WIZ: variants seen among roughly 807,000 people sequenced by gnomAD.
WIZ encodes protein Wiz.
Under a neutral mutation model 140.2 loss-of-function variants are expected in WIZ, and 25 were observed. The observed-to-expected ratio is 0.18, with a 90% CI of 0.13 to 0.25. The LOEUF (loss-of-function observed/expected upper bound fraction) is 0.25, where lower values mean the gene tolerates loss of function less well. Ranked by LOEUF, WIZ falls within the 10% of genes least tolerant of loss-of-function variation. The pLI, the probability that WIZ is intolerant of heterozygous loss-of-function variation, is 1.00. For synonymous variants in WIZ, 1,125 were observed against 1,154.3 expected (o/e 0.97, Z 0.51); for missense variants, 2,231 against 2,632.6 (o/e 0.85, Z 3.34).
rs975923741 is a variant in WIZ, at chr19:15,428,530, G to C, written c.3416-22C>G. The C allele has an allele frequency of 1.3e-5, 20 of 1,535,422 alleles. No individual in the cohort carries two copies. The highest frequency in any genetic ancestry group is 1.7e-5 in the Non-Finnish European group (20 of 1,146,794). On this transcript the variant is annotated intron_variant, in intron 7 of 12. Transcript: ENST00000673675. This position sits in a 1 kb window ranked among gnomAD's most constrained non-coding sequence, Gnocchi z 6.4. ...AAAGCTGCGGAGACAAAACACAGGG[G>C]GGGTTCACGGCCGCCACCTTGGCCG...
intron 2 of WIZ, 111 bp downstream of exon 2, chr19:15,447,992 G>T: frequency 1.6e-6 from 2 of 1,261,322 alleles, no homozygotes; most frequent in Non-Finnish European, 2.2e-6. Flanking sequence ...CTGGACCCAA[G>T]CGGAATCAGC....
At chr19:15,426,617 T>A (rs1169241196) in intron 9 of WIZ, among the ~76,000 whole-genome samples, 1 of 152,150 alleles carries the variant, frequency 6.6e-6, no homozygotes, top group Admixed American at 6.5e-5. Context: ...AAAGACACAG[T>A]TCAGACGTTC....
chr19:15,423,656 C>T (rs964562709), intron 12 of WIZ, among the ~76,000 whole-genome samples: 2 of 152,224 alleles, frequency 1.3e-5, no homozygotes, highest in African/African-American at 4.8e-5. Context: ...CTCCATGGCT[C>T]AAGACGTGGC....
At chr19:15,432,396 C>T (rs1969309619) in intron 5 of WIZ, 10 of 981,538 alleles carry the variant, frequency 1.0e-5, no homozygotes, top group Non-Finnish European at 1.2e-5. Flanking sequence ...GGATTCCGAC[C>T]TTCCCCTCCC....
At chr19:15,449,709 C>G (rs1202398086) in intron 1 of WIZ, 89 bp downstream of exon 1, 1 of 135,786 alleles carries the variant, frequency 7.4e-6, no homozygotes, top group African/African-American at 2.6e-5. Flanking sequence ...CCCGGGGGGT[C>G]CCGCCTGGCC....
chr19:15,428,613 G>C lies in WIZ; in HGVS notation c.3416-105C>G. 7.3e-7 allele frequency: 1 copy of C among 1,369,176 alleles called. No individual in the cohort carries two copies. The highest frequency in any genetic ancestry group is 9.9e-7 in the Non-Finnish European group (1 of 1,006,024). 84.8% of individuals were successfully genotyped at this position (1,369,176 alleles called of 1,614,324 possible). A position where few individuals can be genotyped will look rare whatever the true frequency, so the allele number is the denominator to read the frequency against. On this transcript the variant is annotated intron_variant, in intron 7 of 12. Transcript: ENST00000673675. This position sits in a 1 kb window ranked among gnomAD's most constrained non-coding sequence, Gnocchi z 6.4. ...TGATTTTTGGCTGCTCAGGCAGTTGGGGGGTCCAAGACTCAGGCCGCAGAT... is the reference window on the plus strand; with the variant it reads ...TGATTTTTGGCTGCTCAGGCAGTTGCGGGGTCCAAGACTCAGGCCGCAGAT...
chr19:15,426,914 C>A, intron 9 of WIZ, 68 bp downstream of exon 9: 1 of 1,534,570 alleles, frequency 6.5e-7, no homozygotes. Context: ...CTCTGGATAC[C>A]CCCAAGGGGA....
chr19:15,438,699 G>A lies in WIZ; in HGVS notation c.2295C>T (p.Ala765=). 1 of 1,536,194 alleles carries A rather than the reference G, an allele frequency of 6.5e-7. No homozygotes were observed. Among genetic ancestry groups the A allele is most frequent in the Non-Finnish European group, 8.7e-7 (1 of 1,146,904 alleles). The change falls in exon 4 of 13, where the codon GCC becomes GCT. Residue 765 remains alanine (A), a synonymous_variant. Coordinates refer to ENST00000673675, the MANE Select transcript of WIZ (RefSeq NM_001371589.1). ...GGTTCAGGTGGCCCCGGACGTGGTT[G>A]GCCAAGCCGATGCCGTTGTGGAAGC... ...PDRFHNGIGL[A]NHVRGHLNRV...
chr19:15,426,086 C>T (rs1218813164), intron 9 of WIZ, among the ~76,000 whole-genome samples: 1 of 151,730 alleles, frequency 6.6e-6, no homozygotes, highest in East Asian at 1.9e-4. Flanking sequence ...TCTGTCACTT[C>T]AAATTCTAGC....
rs535315692 is a variant in WIZ, at chr19:15,438,854, C to A, written c.2140G>T (p.Ala714Ser). The change falls in exon 4 of 13, where the codon GCC (alanine) becomes TCC (serine). Residue 714 changes from alanine (A) to serine (S), a missense_variant. This residue lies in a region of WIZ where 475 missense variants were observed against 520.2 expected (regional missense o/e 0.91). Coordinates refer to ENST00000673675, the MANE Select transcript of WIZ (RefSeq NM_001371589.1). ...LQPEELGLAG[A>S]HPLDFLLLDA... ...AGGAGCAGGAAGTCCAGGGGGTGGGCGCCTGCCAGCCCCAGCTCCTCGGGC... is the reference window on the plus strand; with the variant it reads ...AGGAGCAGGAAGTCCAGGGGGTGGGAGCCTGCCAGCCCCAGCTCCTCGGGC... The A allele has an allele frequency of 1.4e-6, 2 of 1,473,454 alleles. No individual in the cohort carries two copies. The highest frequency in any genetic ancestry group is 2.8e-5 in the African/African-American group (2 of 71,406). 91.3% of individuals were successfully genotyped at this position (1,473,454 alleles called of 1,614,324 possible).
intron 4 of WIZ, among the ~76,000 whole-genome samples, chr19:15,437,994 G>GAC (rs140038466): frequency 1.1e-3 from 165 of 150,644 alleles, no homozygotes; most frequent in East Asian, 4.5e-3. Context: ...CTAGTGCGTA[G>GAC]ACACACACAC....
rs1272570784 is a variant in WIZ, at chr19:15,436,726, G to GC, written c.2740+79dup. The GC allele has an allele frequency of 8.7e-6, 12 of 1,376,760 alleles. No homozygotes were observed. In the East Asian group the frequency reaches 3.1e-4, roughly 36 times the overall value. The allele number at this position is 1,376,760 out of a possible 1,614,324, so 85.3% of individuals were successfully genotyped here. ...ATGCTTCCAGGAAAGCTGAGCGGCTGCCCCTCCAGCCCCGCCCCTCCAATG... is the reference window on the plus strand; with the variant it reads ...ATGCTTCCAGGAAAGCTGAGCGGCTGCCCCCTCCAGCCCCGCCCCTCCAATG... On this transcript the variant is annotated intron_variant, in intron 5 of 12. Transcript: ENST00000673675.
rs994255671 is a variant in WIZ at position 15,442,913 on chromosome 19, G to A, written c.206-165C>T. On this transcript the variant is annotated intron_variant, in intron 2 of 12. Transcript: ENST00000673675. The surrounding 1 kb of genome is among the most constrained non-coding windows in gnomAD (Gnocchi z 5.5). ...TCTGTGGTCCTGAGCCCTGAAAGGG[G>A]TTTCTTTGGAAGAGTCCCCTTGGCT... Among the ~76,000 whole-genome samples, 1 of 152,006 alleles carries A rather than the reference G, an allele frequency of 6.6e-6. No individual in the cohort carries two copies. Among genetic ancestry groups the A allele is most frequent in the Non-Finnish European group, 1.5e-5 (1 of 67,946 alleles).
chr19:15,427,168 G>A lies in WIZ; in HGVS notation c.4180C>T (p.Pro1394Ser). Residue 1394 changes from proline to serine, a missense_variant, in exon 9 of 13, where the codon CCT (proline) becomes TCT (serine). Pro to Ser is a moderately conservative substitution (Grantham distance 74). This residue lies in a region of WIZ where 393 missense variants were observed against 451.7 expected (regional missense o/e 0.87). Transcript: ENST00000673675. This position sits in a 1 kb window ranked among gnomAD's most constrained non-coding sequence, Gnocchi z 6.4. The stretch of plus-strand genomic sequence containing the variant: ...AACATCTTTCGGGCCGTAGGAGGAG[G>A]AGAGGCAGTTGGTGAGTGGCCCAGG... Reference protein sequence around the residue: ...SPLGHSPTASPPPTARKMFPG... With the variant: ...SPLGHSPTASSPPTARKMFPG... 6.2e-7 allele frequency: 1 copy of A among 1,614,226 alleles called. No individual in the cohort carries two copies. The highest frequency in any genetic ancestry group is 8.5e-7 in the Non-Finnish European group (1 of 1,180,044).
chr19:15,443,431 C>G (rs1232106312), intron 2 of WIZ, among the ~76,000 whole-genome samples: 2 of 152,156 alleles, frequency 1.3e-5, no homozygotes, highest in Non-Finnish European at 2.9e-5. Flanking sequence ...CTCTGCTGGT[C>G]TCTCCAACTT....
intron 7 of WIZ, 93 bp downstream of exon 7, chr19:15,429,493 C>CCCCCCCGG: frequency 2.2e-6 from 2 of 924,928 alleles, no homozygotes; most frequent in Non-Finnish European, 2.9e-6. Context: ...CGCCCCCACC[C>CCCCCCCGG]ACCCTGGGCC....
Position 15,436,790 on chromosome 19 carries a change from C to T in WIZ, c.2740+16G>A, listed in dbSNP as rs1330734751. On this transcript the variant is annotated intron_variant, in intron 5 of 12. Transcript: ENST00000673675. Reference sequence around the variant, plus strand: ...GGAAGGATGGGGCTCCAGCACAGCCCGTCCCCTCCCCTTACCATCTCCATA... The same window carrying T: ...GGAAGGATGGGGCTCCAGCACAGCCTGTCCCCTCCCCTTACCATCTCCATA... The T allele has an allele frequency of 1.3e-5, 20 of 1,554,324 alleles. No homozygotes were observed. In the African/African-American group the frequency reaches 1.5e-4, roughly 12 times the overall value.
Position 15,424,432 on chromosome 19 carries a change from C to T in WIZ, c.5315-54G>A. On this transcript the variant is annotated intron_variant, in intron 11 of 12. Coordinates refer to ENST00000673675, the MANE Select transcript of WIZ (RefSeq NM_001371589.1). This position sits in a 1 kb window ranked among gnomAD's most constrained non-coding sequence, Gnocchi z 9.7. ...GTGGGAGGGGTGGATGCTGCAGAGACTTGGAATACACAAGAGCTGAGGACT... is the reference window on the plus strand; with the variant it reads ...GTGGGAGGGGTGGATGCTGCAGAGATTTGGAATACACAAGAGCTGAGGACT... 1 of 1,576,188 alleles carries T rather than the reference C, an allele frequency of 6.3e-7. No homozygotes were observed. Among genetic ancestry groups the T allele is most frequent in the Non-Finnish European group, 8.6e-7 (1 of 1,164,514 alleles).
chr19:15,439,700 T>C lies in WIZ; in HGVS notation c.1294A>G (p.Thr432Ala). 6.7e-7 allele frequency: 1 copy of C among 1,493,994 alleles called. No homozygotes were observed. The highest frequency in any genetic ancestry group is 1.3e-5 in the South Asian group (1 of 78,364). 92.5% of individuals were successfully genotyped at this position (1,493,994 alleles called of 1,614,324 possible). A position where few individuals can be genotyped will look rare whatever the true frequency, so the allele number is the denominator to read the frequency against. Reference sequence around the variant, plus strand: ...CTGCTGCCTCCAAAAGGCTCTTTGGTGGTCTGGCCTGGGGGCTCACGCATG... The same window carrying C: ...CTGCTGCCTCCAAAAGGCTCTTTGGCGGTCTGGCCTGGGGGCTCACGCATG... ...LHMREPPGQT[T>A]KEPFGGSSGA... The change falls in exon 4 of 13, where the codon ACC becomes GCC. Residue 432 changes from threonine to alanine, a missense_variant. Physicochemically the swap from Thr to Ala is moderately conservative, Grantham distance 58. This residue lies in a region of WIZ where 475 missense variants were observed against 520.2 expected (regional missense o/e 0.91). Transcript: ENST00000673675. The surrounding 1 kb of genome is among the most constrained non-coding windows in gnomAD (Gnocchi z 7.0).
Sources: allele counts gnomAD v4.1 joint callset (sites outside exome capture counted in the v4.1 genomes callset), GRCh38; gene constraint gnomAD v4.1.1; regional missense constraint gnomAD v4.1.1; non-coding constraint Gnocchi (gnomAD v3.1); transcripts MANE v1.5; gene names NCBI Gene and HGNC (gene_info 2026-07-23, HGNC 2026-07-21).